NBPF3: variants seen among roughly 807,000 people sequenced by gnomAD.
NBPF3 encodes NBPF family member NBPF3.
A neutral mutation model predicts 78.1 loss-of-function variants in NBPF3; 57 were observed. The ratio of observed to expected loss-of-function variants is 0.73; its 90% CI spans 0.59 to 0.91. The LOEUF (loss-of-function observed/expected upper bound fraction) is 0.91. NBPF3 is among the 40% of genes least tolerant of loss of function. NBPF3 has a pLI of 0.00. For synonymous variants in NBPF3, 182 were observed against 271.7 expected (o/e 0.67, Z 3.25); for missense variants, 510 against 715.3 (o/e 0.71, Z 3.27).
intron 2 of NBPF3, among the ~76,000 whole-genome samples, chr1:21,463,792 A>G (rs1371454263): frequency 6.6e-6 from 1 of 152,240 alleles, no homozygotes; most frequent in Non-Finnish European, 1.5e-5. Context: ...TGGGGAAAAA[A>G]GCTGTGAGTA....
intron 2 of NBPF3, among the ~76,000 whole-genome samples, chr1:21,447,959 G>A (rs1327073605): frequency 1.3e-5 from 2 of 152,028 alleles, no homozygotes; most frequent in African/African-American, 4.8e-5. Flanking sequence ...TATTAATGAG[G>A]TGTTCAGATC....
In NBPF3 at chr1:21,466,084, C is replaced by T. The variant is rs1642245455; in HGVS notation, c.134-2604C>T. ...AACGTCCTGACCTCCATGCCCTTTT[C>T]AGGGAGCCTTGGGAGGAGCCCGAAT... is the stretch of plus-strand genomic sequence containing the variant. On this transcript the variant is annotated intron_variant, in intron 2 of 14. Coordinates refer to ENST00000318249, the MANE Select transcript of NBPF3 (RefSeq NM_032264.6). 7 of 985,360 alleles carry T rather than the reference C, an allele frequency of 7.1e-6. No homozygotes were observed. The South Asian group carries it at 1.9e-4, about 26-fold the overall frequency. The allele number at this position is 985,360 out of a possible 1,614,324, so 61.0% of individuals were successfully genotyped here.
chr1:21,454,520 A>G (rs932313358), intron 2 of NBPF3, among the ~76,000 whole-genome samples: 1 of 152,172 alleles, frequency 6.6e-6, no homozygotes, highest in Non-Finnish European at 1.5e-5. Flanking sequence ...GAGAGACCTG[A>G]TAATATGACT....
intron 2 of NBPF3, among the ~76,000 whole-genome samples, chr1:21,457,350 A>ATC (rs1641664484): frequency 7.9e-6 from 1 of 126,420 alleles, no homozygotes; most frequent in African/African-American, 3.2e-5. Flanking sequence ...GTGTGTGTGT[A>ATC]TATATATATA....
intron 2 of NBPF3, among the ~76,000 whole-genome samples, chr1:21,462,602 AAG>A (rs1367961230): frequency 5.3e-5 from 8 of 152,214 alleles, no homozygotes; most frequent in Admixed American, 2.0e-4. Context: ...GTATAATAAA[AAG>A]AGTTTTAAAT....
intron 1 of NBPF3, among the ~76,000 whole-genome samples, chr1:21,444,580 C>T (rs1389098981): frequency 2.0e-5 from 3 of 151,984 alleles, no homozygotes; most frequent in Admixed American, 1.3e-4. Context: ...TTTTTCCCGC[C>T]GGGCTGGAGT....
chr1:21,463,595 A>C (rs1326130314), intron 2 of NBPF3, among the ~76,000 whole-genome samples: 1 of 152,262 alleles, frequency 6.6e-6, no homozygotes, highest in Non-Finnish European at 1.5e-5. Flanking sequence ...AACAACCGAA[A>C]AATAGATAAA....
At position 21,476,776 on chromosome 1, in the gene NBPF3, G is replaced by T. The variant is rs1272535943; in HGVS notation, c.993-1368G>T. Among the ~76,000 whole-genome samples the T allele has an allele frequency of 3.3e-5, 5 of 152,182 alleles. No individual in the cohort carries two copies. Among genetic ancestry groups the T allele is most frequent in the Admixed American group, 2.6e-4 (4 of 15,266 alleles). On this transcript the variant is annotated intron_variant, in intron 8 of 14. Coordinates refer to ENST00000318249, the MANE Select transcript of NBPF3 (RefSeq NM_032264.6). This position sits in a 1 kb window ranked among gnomAD's most constrained non-coding sequence, Gnocchi z 4.1. ...GTCTTGGAGTTGCTCTTCTCGAGGA[G>T]TATCTTTGTGGTGTTCTCTGTATTT...
At chr1:21,472,787 T>A in intron 5 of NBPF3, 56 bp from the exon 6 acceptor site, 3 of 1,251,290 alleles carry the variant, frequency 2.4e-6, no homozygotes, top group Non-Finnish European at 3.5e-6. Context: ...TTCGGCTGAC[T>A]GTGCTTGCAG....
intron 1 of NBPF3, among the ~76,000 whole-genome samples, chr1:21,441,690 G>A (rs2147885568): frequency 6.9e-6 from 1 of 144,706 alleles, no homozygotes; most frequent in African/African-American, 2.6e-5. Flanking sequence ...CTGGATGGCA[G>A]AGTGAGAGCC....
At chr1:21,459,885 C>T (rs1264813756) in intron 2 of NBPF3, 2 of 227,642 alleles carry the variant, frequency 8.8e-6, no homozygotes, top group Non-Finnish European at 9.4e-6. Flanking sequence ...TTTCTGGCCC[C>T]GCAGTGTCAG....
rs1643265110 is a variant in NBPF3 at position 21,482,070 on chromosome 1, T to G, written c.1606+301T>G. Among the ~76,000 whole-genome samples, 2 of 149,998 alleles carry G rather than the reference T, an allele frequency of 1.3e-5. 1 individual carries two copies. The highest frequency in any genetic ancestry group is 5.0e-5 in the African/African-American group (2 of 40,328). ...AGAACTATGATTTTGACTCAAGGGT[T>G]TGTAGATTTCCTTTCTCACTCTAAT... On this transcript the variant is annotated intron_variant, in intron 13 of 14. Coordinates refer to ENST00000318249, the MANE Select transcript of NBPF3 (RefSeq NM_032264.6).
In NBPF3 at chr1:21,474,787, C is replaced by T; in HGVS notation, c.941-113C>T. 3.0e-6 allele frequency: 3 copies of T among 991,622 alleles called. No homozygotes were observed. In the Admixed American group the frequency reaches 5.4e-5, roughly 18 times the overall value. 61.4% of individuals were successfully genotyped at this position (991,622 alleles called of 1,614,324 possible). A position where few individuals can be genotyped will look rare whatever the true frequency, so the allele number is the denominator to read the frequency against. ...ACCCTGGAGTGCTCCTGTCAGAATCCATATTCTTGCACTGAGAATAGTTAT... is the reference window on the plus strand; with the variant it reads ...ACCCTGGAGTGCTCCTGTCAGAATCTATATTCTTGCACTGAGAATAGTTAT... On this transcript the variant is annotated intron_variant, in intron 7 of 14. Coordinates refer to ENST00000318249, the MANE Select transcript of NBPF3 (RefSeq NM_032264.6).
intron 2 of NBPF3, among the ~76,000 whole-genome samples, chr1:21,456,518 C>A (rs1468232738): frequency 1.3e-5 from 2 of 152,144 alleles, no homozygotes; most frequent in Non-Finnish European, 2.9e-5. Context: ...ATTAAAAAAA[C>A]TGTCCTAGCT....
At chr1:21,468,585 A>G (rs1642405238) in intron 2 of NBPF3, 103 bp from the exon 3 acceptor site, 1 of 1,594,962 alleles carries the variant, frequency 6.3e-7, no homozygotes, top group African/African-American at 1.3e-5. Flanking sequence ...TTTTCTCAAC[A>G]GTAAGTTAAG....
At chr1:21,462,974 GTAGA>G (rs200799863) in intron 2 of NBPF3, among the ~76,000 whole-genome samples, 4,520 of 152,258 alleles carry the variant, frequency 0.03, 87 homozygotes, top group Non-Finnish European at 0.045. Context: ...TGTTAAAATT[GTAGA>G]TAAACAACAA....
chr1:21,476,978 T>C lies in NBPF3; in HGVS notation c.993-1166T>C, dbSNP rs1180378306. On this transcript the variant is annotated intron_variant, in intron 8 of 14. Coordinates refer to ENST00000318249, the MANE Select transcript of NBPF3 (RefSeq NM_032264.6). This position sits in a 1 kb window ranked among gnomAD's most constrained non-coding sequence, Gnocchi z 4.1. ...TTATTGGAGGCTTTGTTCATTTCTT[T>C]TTACTCTTTTTTCTCTAAACTGCTC... 6.6e-6 allele frequency among the ~76,000 whole-genome samples: 1 copy of C among 152,236 alleles called. No individual in the cohort carries two copies. The highest frequency in any genetic ancestry group is 6.5e-5 in the Admixed American group (1 of 15,280).
intron 2 of NBPF3, among the ~76,000 whole-genome samples, chr1:21,458,499 C>A (rs1214951377): frequency 1.3e-5 from 2 of 151,810 alleles, no homozygotes; most frequent in African/African-American, 4.8e-5. Context: ...TTCATAATAG[C>A]CCAAACGTGG....
intron 8 of NBPF3, among the ~76,000 whole-genome samples, chr1:21,475,967 A>G (rs936951776): frequency 6.6e-6 from 1 of 151,992 alleles, no homozygotes; most frequent in Admixed American, 6.6e-5. Flanking sequence ...CGTATTGGAT[A>G]TATGTACATT....
Sources: allele counts gnomAD v4.1 joint callset (sites outside exome capture counted in the v4.1 genomes callset), GRCh38; gene constraint gnomAD v4.1.1; non-coding constraint Gnocchi (gnomAD v3.1); transcripts MANE v1.5; gene names NCBI Gene and HGNC (gene_info 2026-07-23, HGNC 2026-07-21).